Variants in ATP10B observed in about 807,000 individuals in gnomAD.
ATP10B encodes ATPase phospholipid transporting 10B (putative).
A neutral mutation model predicts 141.2 loss-of-function variants in ATP10B; 122 were observed. The observed-to-expected ratio is 0.86, with a 90% confidence interval of 0.75 to 1.00. The LOEUF (loss-of-function observed/expected upper bound fraction) is 1.00. ATP10B is among the 50% of genes least tolerant of loss of function. ATP10B has a pLI of 0.00. For synonymous variants in ATP10B, 685 were observed against 692.0 expected, an observed-to-expected ratio of 0.99 and a Z score of 0.16; for missense variants, 1,876 against 1,825.3, an observed-to-expected ratio of 1.03 and a Z score of -0.51.
chr5:160,722,587 A>T (rs978577242), intron 2 of ATP10B, among the ~76,000 whole-genome samples: 1 of 152,148 alleles, frequency 6.6e-6, no homozygotes, highest in Non-Finnish European at 1.5e-5. Flanking sequence ...AAAAAAAAAT[A>T]AGGCACAGAA....
intron 17 of ATP10B, 50 bp downstream of exon 17, chr5:160,615,788 C>T (rs1375439778): frequency 1.3e-6 from 2 of 1,592,388 alleles, no homozygotes; most frequent in Admixed American, 1.7e-5. Context: ...GCTCCCTTCT[C>T]AACTGGCTGC....
At chr5:160,592,009 TC>T (rs761587841) in intron 22 of ATP10B, among the ~76,000 whole-genome samples, 2 of 152,146 alleles carry the variant, frequency 1.3e-5, no homozygotes, top group Non-Finnish European at 2.9e-5. Context: ...CATTGCAAAG[TC>T]CCTCTTCCCA....
upstream of ATP10B, chr5:160,852,234 T>G (rs1753853653): frequency 6.6e-6 from 1 of 152,172 alleles, no homozygotes; most frequent in Non-Finnish European, 1.5e-5. Flanking sequence ...AGTCTGTGAA[T>G]GTGAGGCCGA....
At chr5:160,567,489 C>G (rs1170789174) in intron 25 of ATP10B, among the ~76,000 whole-genome samples, 1 of 151,990 alleles carries the variant, frequency 6.6e-6, no homozygotes, top group Non-Finnish European at 1.5e-5. Flanking sequence ...TGGCTTAATC[C>G]TTTGGGGGCC....
At chr5:160,720,731 C>G (rs550664901) in intron 2 of ATP10B, among the ~76,000 whole-genome samples, 2 of 152,314 alleles carry the variant, frequency 1.3e-5, no homozygotes, top group East Asian at 3.9e-4. Flanking sequence ...TCAAACCATC[C>G]TTTCCTCATG....
intron 7 of ATP10B, among the ~76,000 whole-genome samples, chr5:160,652,875 TAA>T (rs1491412656): frequency 6.3e-5 from 6 of 95,218 alleles, no homozygotes; most frequent in Non-Finnish European, 7.6e-5. Context: ...ATAATATATA[TAA>T]TATATATATA....
At chr5:160,612,567 G>C (rs1757773836) in intron 18 of ATP10B, 174 bp downstream of exon 18, 2 of 514,522 alleles carry the variant, frequency 3.9e-6, no homozygotes, top group South Asian at 6.4e-5. Context: ...TGAGATAAAG[G>C]ATATTGGGCT....
Position 160,717,050 on chromosome 5 carries a change from G to T in ATP10B, c.-330-16C>A. 1.0e-6 allele frequency: 1 copy of T among 985,262 alleles called. No homozygotes were observed. The highest frequency in any genetic ancestry group is 4.7e-5 in the South Asian group (1 of 21,282). 61.0% of individuals were successfully genotyped at this position (985,262 alleles called of 1,614,324 possible). A position where few individuals can be genotyped will look rare whatever the true frequency, so the allele number is the denominator to read the frequency against. On this transcript the variant is annotated splice_polypyrimidine_tract_variant and intron_variant, in intron 2 of 25. Coordinates refer to ENST00000327245, the MANE Select transcript of ATP10B (RefSeq NM_025153.3). Reference sequence around the variant, plus strand: ...ATTGCAAGTTCTGTAAGCAAGAAAAGAAAATATTGAGTAGGCAACTAACAG... The same window carrying T: ...ATTGCAAGTTCTGTAAGCAAGAAAATAAAATATTGAGTAGGCAACTAACAG...
intron 7 of ATP10B, among the ~76,000 whole-genome samples, chr5:160,664,654 T>G (rs1411183139): frequency 6.6e-6 from 1 of 152,200 alleles, no homozygotes; most frequent in Non-Finnish European, 1.5e-5. Flanking sequence ...GATTCTGCAT[T>G]TCTGACAAGC....
chr5:160,788,867 AAAAT>A, intron 1 of ATP10B, among the ~76,000 whole-genome samples: 1 of 152,266 alleles, frequency 6.6e-6, no homozygotes, highest in Admixed American at 6.5e-5. Context: ...TCATTCATCC[AAAAT>A]GAATGAGCAG....
chr5:160,608,413 C>T (rs568612634), intron 18 of ATP10B, among the ~76,000 whole-genome samples: 20 of 152,134 alleles, frequency 1.3e-4, no homozygotes, highest in Admixed American at 3.3e-4. Context: ...TCTTTATAGT[C>T]GCATGATTTA....
chr5:160,757,545 A>G (rs1469928578), intron 2 of ATP10B, among the ~76,000 whole-genome samples: 1 of 152,196 alleles, frequency 6.6e-6, no homozygotes, highest in Non-Finnish European at 1.5e-5. Context: ...TAATTAGAAG[A>G]TAATTGAAAT....
At chr5:160,669,918 T>TTAAAAAAAAAAAAAAA (rs1762568557) in intron 7 of ATP10B, among the ~76,000 whole-genome samples, 1 of 89,662 alleles carries the variant, frequency 1.1e-5, no homozygotes, top group Non-Finnish European at 2.0e-5. Flanking sequence ...CCCAGTCTCT[T>TTAAAAAAAAAAAAAAA]AAAAAAAAAA....
the ATP10B span, among the ~76,000 whole-genome samples, chr5:160,905,217 T>C: frequency 1.3e-5 from 2 of 152,220 alleles, no homozygotes; most frequent in African/African-American, 4.8e-5. Context: ...CCAGAGTTTG[T>C]GTTCTTGACT....
At chr5:160,614,764 T>A (rs1276397683) in intron 17 of ATP10B, among the ~76,000 whole-genome samples, 1 of 152,150 alleles carries the variant, frequency 6.6e-6, no homozygotes, top group African/African-American at 2.4e-5. Flanking sequence ...GAACTCCTAT[T>A]TGGCTGGGCA....
At chr5:160,879,477 G>A in the ATP10B span, among the ~76,000 whole-genome samples, 1 of 141,748 alleles carries the variant, frequency 7.1e-6, no homozygotes, top group African/African-American at 2.6e-5. Flanking sequence ...CATGGCACAT[G>A]TATACGTATG....
chr5:160,652,939 G>T (rs554720717), intron 7 of ATP10B, among the ~76,000 whole-genome samples: 19 of 71,454 alleles, frequency 2.7e-4, no homozygotes, highest in Non-Finnish European at 3.5e-4. Context: ...ATATATACAT[G>T]TATATATAAT....
At chr5:160,667,675 T>G (rs1170441418) in intron 7 of ATP10B, among the ~76,000 whole-genome samples, 1 of 152,196 alleles carries the variant, frequency 6.6e-6, no homozygotes, top group Non-Finnish European at 1.5e-5. Context: ...ACTCATTAAA[T>G]AGGCTGGTCT....
intron 25 of ATP10B, among the ~76,000 whole-genome samples, chr5:160,566,548 C>A (rs1035340664): frequency 6.6e-6 from 1 of 152,132 alleles, no homozygotes; most frequent in Non-Finnish European, 1.5e-5. Context: ...TCTCCTGAGA[C>A]GTTAACGGAT....
Sources: allele counts gnomAD v4.1 joint callset (sites outside exome capture counted in the v4.1 genomes callset), GRCh38; gene constraint gnomAD v4.1.1; transcripts MANE v1.5; gene names NCBI Gene and HGNC (gene_info 2026-07-23, HGNC 2026-07-21).